The following PLCE1 variants were observed in gnomAD, a reference collection of about 807,000 sequenced individuals.
PLCE1 encodes the protein 1-phosphatidylinositol 4,5-bisphosphate phosphodiesterase epsilon-1.
A neutral mutation model predicts 242.8 loss-of-function variants in PLCE1; 119 were observed. The observed-to-expected ratio is 0.49, with a 90% CI of 0.42 to 0.57. PLCE1 has a LOEUF of 0.57. PLCE1 is among the 20% of genes least tolerant of loss of function. The pLI is 0.00. For synonymous variants in PLCE1, 945 were observed against 1,017.4 expected (o/e 0.93, Z 1.35); for missense variants, 2,441 against 2,788.8 (o/e 0.88, Z 2.81).
Position 94,324,390 on chromosome 10 carries a change from C to T in PLCE1, c.6543C>T (p.Asn2181=), listed in dbSNP as rs764633721. The T allele has an allele frequency of 1.2e-6, 2 of 1,614,042 alleles. No homozygotes were observed. Among genetic ancestry groups the T allele is most frequent in the Admixed American group, 3.3e-5 (2 of 60,002 alleles). ...AATATTCCTACAGCATCCTGAGCAA[C>T]CCCAATCCAAGCGACTATGTGCTTT... ...KAKYSYSILS[N]PNPSDYVLLE... is the part of the protein sequence containing the mutation. Residue 2181 remains asparagine, a synonymous_variant, in exon 31 of 33, where the codon AAC becomes AAT. Transcript: ENST00000371380.
intron 4 of PLCE1, among the ~76,000 whole-genome samples, chr10:94,219,324 T>C (rs2049641347): frequency 6.6e-6 from 1 of 152,224 alleles, no homozygotes; most frequent in African/African-American, 2.4e-5. Context: ...TATGGAGTCA[T>C]CAGAGGGCTT....
At chr10:94,263,021 G>A (rs537899948) in intron 14 of PLCE1, among the ~76,000 whole-genome samples, 76 of 151,808 alleles carry the variant, frequency 5.0e-4, no homozygotes, top group Non-Finnish European at 9.1e-4. Flanking sequence ...ACAGGTGTGC[G>A]CCACCACGCC....
In PLCE1 at chr10:94,289,643, G is replaced by A. The variant is rs775091403; in HGVS notation, c.5036-3865G>A. ...GTAACACAATGATAAGTATTTGTGC[G>A]TTTAAACATACCTAAACAGACAAGG... On this transcript the variant is annotated intron_variant, in intron 22 of 32. Transcript: ENST00000371380. Among the ~76,000 whole-genome samples, 155 of 152,152 alleles carry A rather than the reference G, an allele frequency of 1.0e-3. 3 individuals carry two copies. Among genetic ancestry groups the A allele is most frequent in the Non-Finnish European group, 2.4e-4 (16 of 68,020 alleles).
intron 29 of PLCE1, among the ~76,000 whole-genome samples, chr10:94,318,906 G>A (rs1198829249): frequency 6.6e-6 from 1 of 152,146 alleles, no homozygotes; most frequent in Admixed American, 6.6e-5. Context: ...AAATTAGCAG[G>A]GCGTGGTAGC....
At chr10:94,243,959 C>T (rs1289663873) in intron 7 of PLCE1, among the ~76,000 whole-genome samples, 1 of 152,114 alleles carries the variant, frequency 6.6e-6, no homozygotes, top group Non-Finnish European at 1.5e-5. Context: ...TATTCATTTT[C>T]ATTGCTGTAC....
intron 7 of PLCE1, 53 bp from the exon 8 acceptor site, chr10:94,245,893 G>T (rs2050661770): frequency 7.1e-7 from 1 of 1,402,900 alleles, no homozygotes; most frequent in Non-Finnish European, 1.0e-6. Flanking sequence ...AATGTCTTTG[G>T]GTTGTTCTCA....
At chr10:94,038,551 C>T (rs2061709578) in intron 2 of PLCE1, among the ~76,000 whole-genome samples, 1 of 152,160 alleles carries the variant, frequency 6.6e-6, no homozygotes, top group African/African-American at 2.4e-5. Flanking sequence ...CATCACTCCT[C>T]AAACCCTGAG....
At chr10:94,161,757 G>C (rs986533081) in intron 3 of PLCE1, among the ~76,000 whole-genome samples, 1 of 152,110 alleles carries the variant, frequency 6.6e-6, no homozygotes, top group African/African-American at 2.4e-5. Flanking sequence ...AATGCTTCCA[G>C]TTTTTGCCCA....
At chr10:94,039,138 A>G (rs907968890) in intron 2 of PLCE1, among the ~76,000 whole-genome samples, 1 of 152,206 alleles carries the variant, frequency 6.6e-6, no homozygotes, top group African/African-American at 2.4e-5. Context: ...CTGTTCATCA[A>G]TTGTTGGACA....
At chr10:94,209,664 G>A (rs2049271767) in intron 4 of PLCE1, among the ~76,000 whole-genome samples, 1 of 152,150 alleles carries the variant, frequency 6.6e-6, no homozygotes, top group African/African-American at 2.4e-5. Flanking sequence ...CAGAGACTGG[G>A]GAGGGACTAA....
intron 2 of PLCE1, among the ~76,000 whole-genome samples, chr10:94,066,085 G>A (rs1302453579): frequency 6.6e-6 from 1 of 152,112 alleles, no homozygotes; most frequent in Non-Finnish European, 1.5e-5. Flanking sequence ...GGGAGGAGAA[G>A]AGGCACAAAA....
chr10:94,013,503 A>G (rs981848738), intron 1 of PLCE1, among the ~76,000 whole-genome samples: 3 of 152,254 alleles, frequency 2.0e-5, no homozygotes, highest in Non-Finnish European at 4.4e-5. Context: ...TGAGGTAGAA[A>G]GAACTGATTA....
chr10:94,289,929 T>G (rs1188074087), intron 22 of PLCE1, among the ~76,000 whole-genome samples: 5 of 151,218 alleles, frequency 3.3e-5, no homozygotes, highest in Admixed American at 3.3e-4. Context: ...ATTTTATAAA[T>G]TTTTATTTTT....
chr10:94,005,223 C>A (rs74151953), intron 1 of PLCE1, among the ~76,000 whole-genome samples: 1 of 152,146 alleles, frequency 6.6e-6, no homozygotes, highest in Non-Finnish European at 1.5e-5. Context: ...AGCAAATGCT[C>A]ACCTTGTGAC....
intron 2 of PLCE1, among the ~76,000 whole-genome samples, chr10:94,079,421 G>A (rs1454693676): frequency 6.6e-6 from 1 of 152,022 alleles, no homozygotes; most frequent in African/African-American, 2.4e-5. Flanking sequence ...TGAAAGGGGA[G>A]GGGAACATCA....
chr10:94,230,908 C>T (rs1421164160), intron 5 of PLCE1, among the ~76,000 whole-genome samples: 1 of 152,154 alleles, frequency 6.6e-6, no homozygotes, highest in Non-Finnish European at 1.5e-5. Flanking sequence ...CTGCACCTGG[C>T]CTGAAAAGTT....
At chr10:94,318,653 G>C (rs1445820482) in intron 29 of PLCE1, among the ~76,000 whole-genome samples, 2 of 152,192 alleles carry the variant, frequency 1.3e-5, no homozygotes, top group Non-Finnish European at 2.9e-5. Flanking sequence ...GGAGGAGCAG[G>C]AGGCAGTGGG....
intron 2 of PLCE1, among the ~76,000 whole-genome samples, chr10:94,061,837 A>G (rs768791377): frequency 3.9e-5 from 6 of 152,246 alleles, no homozygotes; most frequent in African/African-American, 9.6e-5. Flanking sequence ...TTTTGCTGTT[A>G]CATGCCTCTT....
intron 2 of PLCE1, chr10:94,121,238 G>A (rs1267643554): frequency 6.6e-6 from 1 of 152,274 alleles, no homozygotes; most frequent in African/African-American, 2.4e-5. Flanking sequence ...TCACATGCAG[G>A]AGACTAGGAG....
Sources: gnomAD v4.1 joint callset for allele counts (sites outside exome capture counted in the v4.1 genomes callset) on GRCh38, gnomAD v4.1.1 for gene constraint, MANE v1.5 for transcripts, NCBI Gene and HGNC (gene_info 2026-07-23, HGNC 2026-07-21) for gene names.